The following EXOC5 variants were observed in gnomAD, a reference collection of about 807,000 sequenced individuals.
The protein encoded by EXOC5 is SEC10-like 1.
In EXOC5, 17 loss-of-function variants were observed where a neutral mutation model predicts 90.8. The ratio of observed to expected loss-of-function variants is 0.19; its 90% confidence interval spans 0.13 to 0.28. The LOEUF (loss-of-function observed/expected upper bound fraction) is 0.28, where lower values mean the gene tolerates loss of function less well. EXOC5 is among the 10% of genes least tolerant of loss of function. EXOC5 has a pLI of 1.00. For missense variants in EXOC5, 569 were observed against 830.6 expected (o/e 0.69, Z 3.87); for synonymous variants, 260 against 270.0 (o/e 0.96, Z 0.36).
chr14:57,232,708 A>G lies in EXOC5; in HGVS notation c.897T>C (p.Asp299=). The change falls in exon 10 of 18, where the codon GAT becomes GAC. Residue 299 remains aspartate (D), a synonymous_variant. Coordinates refer to ENST00000621441, the MANE Select transcript of EXOC5 (RefSeq NM_006544.4). ...AGAGATTTTTGAGATATTGCTCTGC[A>G]TCGGACTTCCTACATTCTTCTAACT... ...KEQLEECRKS[D]AEQYLKNLYD... The G allele has an allele frequency of 1.9e-6, 3 of 1,557,376 alleles. No homozygotes were observed. The highest frequency in any genetic ancestry group is 2.6e-6 in the Non-Finnish European group (3 of 1,139,612).
At chr14:57,213,675 T>A (rs935303947) in intron 15 of EXOC5, among the ~76,000 whole-genome samples, 4 of 152,002 alleles carry the variant, frequency 2.6e-5, no homozygotes, top group African/African-American at 7.2e-5. Context: ...AATTTTTTTT[T>A]AAAGATAAAC....
chr14:57,220,206 C>A (rs546112084), intron 13 of EXOC5, among the ~76,000 whole-genome samples: 4 of 151,208 alleles, frequency 2.6e-5, no homozygotes, highest in Admixed American at 6.6e-5. Flanking sequence ...TTCCCTCCGC[C>A]CCCCCTGCCC....
chr14:57,227,710 TTC>T (rs1004056611), intron 12 of EXOC5, among the ~76,000 whole-genome samples: 1 of 152,210 alleles, frequency 6.6e-6, no homozygotes, highest in African/African-American at 2.4e-5. Flanking sequence ...GATTTACATT[TTC>T]TTTTTGTAAA....
In EXOC5 at chr14:57,222,400, T is replaced by C; in HGVS notation, c.1313A>G (p.Asp438Gly). Residue 438 changes from aspartate (D) to glycine (G), a missense_variant, in exon 13 of 18, where the codon GAC (aspartate) becomes GGC (glycine). Transcript: ENST00000621441. ...AATTCTGAAGGCATTCCTTGGTAAG[T>C]CAGAAGGATCAGAGAGCTTAAAAAC... ...ERCHRLSDPS[D>G]LPRNAFRIFT... The C allele has an allele frequency of 6.3e-7, 1 of 1,592,582 alleles. No individual in the cohort carries two copies. The highest frequency in any genetic ancestry group is 8.6e-7 in the Non-Finnish European group (1 of 1,165,396).
Position 57,201,451 on chromosome 14 carries a change from T to A in EXOC5, c.*7158A>T, listed in dbSNP as rs1357970838. On this transcript the variant is annotated 3_prime_UTR_variant, in exon 18 of 18. Coordinates refer to ENST00000621441, the MANE Select transcript of EXOC5 (RefSeq NM_006544.4). ...ATATACACACACACACGTGTGTATA[T>A]ATACACACGCGTGTATATGTACACA... 6.8e-6 allele frequency: 1 copy of A among 147,220 alleles called. No homozygotes were observed. The highest frequency in any genetic ancestry group is 2.6e-5 in the African/African-American group (1 of 38,960). 9.1% of individuals were successfully genotyped at this position (147,220 alleles called of 1,614,324 possible).
In EXOC5 at chr14:57,208,526, G is replaced by A. The variant is rs2139604434; in HGVS notation, c.*83C>T. On this transcript the variant is annotated 3_prime_UTR_variant, in exon 18 of 18. Transcript: ENST00000621441. ...GGCTGTGTCATAAGGTATCTCCTGT[G>A]CTTTCTATCAACCGAGGGCTGCTGA... The A allele has an allele frequency of 1.0e-6, 1 of 967,912 alleles. No individual in the cohort carries two copies. Among genetic ancestry groups the A allele is most frequent in the African/African-American group, 1.6e-5 (1 of 62,892 alleles). The allele number at this position is 967,912 out of a possible 1,614,324, so 60.0% of individuals were successfully genotyped here.
chr14:57,238,403 C>CACAT (rs1408559633), intron 5 of EXOC5, among the ~76,000 whole-genome samples: 1 of 148,950 alleles, frequency 6.7e-6, no homozygotes, highest in Non-Finnish European at 1.5e-5. Context: ...CACACACACA[C>CACAT]ACACACATAT....
chr14:57,242,210 G>T (rs563907307), intron 4 of EXOC5, among the ~76,000 whole-genome samples: 1 of 151,428 alleles, frequency 6.6e-6, no homozygotes, highest in Non-Finnish European at 1.5e-5. Flanking sequence ...ACATAATAGG[G>T]TTTTTTTTGT....
chr14:57,239,165 G>A (rs1375451885), intron 5 of EXOC5, among the ~76,000 whole-genome samples: 1 of 152,106 alleles, frequency 6.6e-6, no homozygotes, highest in Admixed American at 6.5e-5. Context: ...CTGAAGAAAG[G>A]TGATAGCGTT....
chr14:57,234,103 TTA>T, intron 7 of EXOC5, 71 bp from the exon 8 acceptor site: 1 of 1,175,332 alleles, frequency 8.5e-7, no homozygotes, highest in Non-Finnish European at 1.2e-6. Flanking sequence ...AAAAGAAGTG[TTA>T]TATGTCATAA....
chr14:57,266,429 C>T (rs1218798036), intron 1 of EXOC5, among the ~76,000 whole-genome samples: 1 of 152,096 alleles, frequency 6.6e-6, no homozygotes, highest in Non-Finnish European at 1.5e-5. Flanking sequence ...GGATTCATAG[C>T]AGTACCAGAA....
intron 1 of EXOC5, among the ~76,000 whole-genome samples, chr14:57,258,327 G>A (rs1884407952): frequency 6.6e-6 from 1 of 152,164 alleles, no homozygotes; most frequent in South Asian, 2.1e-4. Context: ...ACTGGATAAA[G>A]AAAATGTGGC....
chr14:57,262,088 G>A (rs1884519972), intron 1 of EXOC5, among the ~76,000 whole-genome samples: 1 of 152,116 alleles, frequency 6.6e-6, no homozygotes, highest in African/African-American at 2.4e-5. Flanking sequence ...TGAGTCAACT[G>A]AGACTGAGAA....
intron 1 of EXOC5, among the ~76,000 whole-genome samples, chr14:57,262,745 G>GTGTGTATATATATA (rs1566508332): frequency 2.0e-5 from 3 of 147,036 alleles, no homozygotes; most frequent in Admixed American, 6.8e-5. Flanking sequence ...ATATATGTGT[G>GTGTGTATATATATA]TGTGTATATA....
At chr14:57,211,094 T>C (rs1191517318) in intron 15 of EXOC5, among the ~76,000 whole-genome samples, 1 of 152,230 alleles carries the variant, frequency 6.6e-6, no homozygotes, top group Non-Finnish European at 1.5e-5. Flanking sequence ...CTGTTTGATT[T>C]TGTAAACTGA....
intron 1 of EXOC5, among the ~76,000 whole-genome samples, chr14:57,264,782 A>G (rs143256749): frequency 1.3e-5 from 2 of 152,292 alleles, no homozygotes; most frequent in Admixed American, 1.3e-4. Context: ...TTTCTTCTAG[A>G]GGCAATCTTC....
intron 4 of EXOC5, 67 bp downstream of exon 4, chr14:57,244,098 T>C (rs528505364): frequency 1.5e-5 from 16 of 1,039,510 alleles, no homozygotes; most frequent in African/African-American, 1.1e-4. Flanking sequence ...AAAGCAATTA[T>C]TGCAGCTCAT....
At chr14:57,265,305 G>A (rs529984832) in intron 1 of EXOC5, among the ~76,000 whole-genome samples, 2 of 152,184 alleles carry the variant, frequency 1.3e-5, no homozygotes, top group Middle Eastern at 3.4e-3. Flanking sequence ...GAACTCTCCC[G>A]TAATGGTAGC....
At chr14:57,242,057 C>T (rs2139649107) in intron 4 of EXOC5, among the ~76,000 whole-genome samples, 1 of 148,694 alleles carries the variant, frequency 6.7e-6, no homozygotes, top group East Asian at 2.0e-4. Context: ...GGCATGAACC[C>T]AGGAGGCGGA....
Sources: allele counts gnomAD v4.1 joint callset (sites outside exome capture counted in the v4.1 genomes callset), GRCh38; gene constraint gnomAD v4.1.1; transcripts MANE v1.5; gene names NCBI Gene and HGNC (gene_info 2026-07-23, HGNC 2026-07-21).